Variants in MGAT4C observed in about 807,000 individuals in gnomAD.
MGAT4C encodes MGAT4 family member C.
Under a neutral mutation model 40.1 loss-of-function variants are expected in MGAT4C, and 19 were observed. That is an observed-to-expected ratio of 0.47 (90% confidence interval 0.33 to 0.70). MGAT4C has a LOEUF of 0.70. MGAT4C is among the 30% of genes least tolerant of loss of function. MGAT4C has a pLI of 0.02. For synonymous variants in MGAT4C, 181 were observed against 187.1 expected (o/e 0.97, Z 0.27); for missense variants, 491 against 563.2 (o/e 0.87, Z 1.30).
intron 2 of MGAT4C, among the ~76,000 whole-genome samples, chr12:86,519,245 T>C (rs1432061702): frequency 6.6e-6 from 1 of 152,240 alleles, no homozygotes; most frequent in African/African-American, 2.4e-5. Context: ...CTTTCTTTTC[T>C]AATGATTGAA....
At chr12:86,119,207 A>G (rs1878942190) in intron 1 of MGAT4C, among the ~76,000 whole-genome samples, 1 of 152,098 alleles carries the variant, frequency 6.6e-6, no homozygotes, top group Non-Finnish European at 1.5e-5. Context: ...TCTTATTTTA[A>G]TTTTTATATC....
At chr12:86,124,011 A>C (rs1879861497) in intron 1 of MGAT4C, among the ~76,000 whole-genome samples, 1 of 152,142 alleles carries the variant, frequency 6.6e-6, no homozygotes, top group Non-Finnish European at 1.5e-5. Context: ...CTCCACCGAT[A>C]GGACAAAACC....
At chr12:86,305,856 A>G (rs1953922509) in intron 4 of MGAT4C, among the ~76,000 whole-genome samples, 2 of 149,802 alleles carry the variant, frequency 1.3e-5, no homozygotes, top group South Asian at 4.2e-4. Flanking sequence ...TCAATCTGTG[A>G]TTTGTTGAAT....
At chr12:86,831,800 T>G (rs1346449368) in intron 1 of MGAT4C, among the ~76,000 whole-genome samples, 1 of 151,840 alleles carries the variant, frequency 6.6e-6, no homozygotes, top group Non-Finnish European at 1.5e-5. Flanking sequence ...TTTACTTGCA[T>G]GATAGATATT....
intron 1 of MGAT4C, among the ~76,000 whole-genome samples, chr12:86,832,958 T>C (rs1299998714): frequency 6.6e-6 from 1 of 151,924 alleles, no homozygotes; most frequent in Non-Finnish European, 1.5e-5. Context: ...GTTTTAACAC[T>C]GAAGCTTTTA....
At chr12:86,827,713 C>T (rs1952835694) in intron 1 of MGAT4C, among the ~76,000 whole-genome samples, 1 of 151,170 alleles carries the variant, frequency 6.6e-6, no homozygotes, top group African/African-American at 2.4e-5. Flanking sequence ...TTGTCTGATA[C>T]AGACAAAAAA....
At chr12:86,838,530 C>A (rs1452203071) in intron 1 of MGAT4C, 4 of 152,130 alleles carry the variant, frequency 2.6e-5, no homozygotes, top group Non-Finnish European at 4.4e-5. Flanking sequence ...TATAAACATG[C>A]AGCAATAAAG....
At chr12:86,112,116 T>C (rs893170992) in intron 1 of MGAT4C, among the ~76,000 whole-genome samples, 2 of 151,720 alleles carry the variant, frequency 1.3e-5, no homozygotes, top group African/African-American at 4.8e-5. Flanking sequence ...GTGCATATCA[T>C]CTATGCATTA....
intron 2 of MGAT4C, among the ~76,000 whole-genome samples, chr12:86,019,320 G>T (rs1889411699): frequency 6.6e-6 from 1 of 152,098 alleles, no homozygotes; most frequent in African/African-American, 2.4e-5. Flanking sequence ...ACTGAACTAA[G>T]ATAGTTTTAG....
intron 1 of MGAT4C, among the ~76,000 whole-genome samples, chr12:86,798,783 C>T (rs1952174765): frequency 6.6e-6 from 1 of 151,528 alleles, no homozygotes; most frequent in Non-Finnish European, 1.5e-5. Flanking sequence ...CAATTGGTTG[C>T]CATGAAAAAG....
intron 1 of MGAT4C, among the ~76,000 whole-genome samples, chr12:86,250,751 ATTT>A (rs1465528636): frequency 6.6e-6 from 1 of 152,088 alleles, no homozygotes; most frequent in Non-Finnish European, 1.5e-5. Flanking sequence ...TATTTAATTC[ATTT>A]TTTATCTTAC....
intron 1 of MGAT4C, among the ~76,000 whole-genome samples, chr12:86,834,467 G>T (rs1288736711): frequency 6.6e-6 from 1 of 151,786 alleles, no homozygotes; most frequent in Non-Finnish European, 1.5e-5. Context: ...CCTGGATGTG[G>T]TGATGTTATG....
chr12:86,814,827 C>G (rs1053767794), intron 1 of MGAT4C, among the ~76,000 whole-genome samples: 5 of 152,054 alleles, frequency 3.3e-5, no homozygotes, highest in African/African-American at 1.2e-4. Flanking sequence ...CTCTATGAAC[C>G]AGGAAATAAG....
At chr12:86,728,197 A>T (rs1950854499) in intron 1 of MGAT4C, among the ~76,000 whole-genome samples, 2 of 152,232 alleles carry the variant, frequency 1.3e-5, no homozygotes, top group Admixed American at 1.3e-4. Context: ...TGTATTACAT[A>T]AATTAATAAC....
intron 2 of MGAT4C, among the ~76,000 whole-genome samples, chr12:86,655,510 A>G (rs1201466345): frequency 6.6e-6 from 1 of 152,030 alleles, no homozygotes; most frequent in Non-Finnish European, 1.5e-5. Context: ...TTACACAAAT[A>G]CTATGCAACA....
chr12:86,566,012 C>A (rs999979728), intron 2 of MGAT4C, among the ~76,000 whole-genome samples: 2 of 152,102 alleles, frequency 1.3e-5, no homozygotes, highest in African/African-American at 2.4e-5. Context: ...AATATGGCAC[C>A]CTATCTTGGG....
intron 3 of MGAT4C, among the ~76,000 whole-genome samples, chr12:86,390,890 G>T (rs952958294): frequency 1.3e-5 from 2 of 152,078 alleles, no homozygotes; most frequent in Non-Finnish European, 2.9e-5. Context: ...TTACAAGGTG[G>T]ACCAAGAGTT....
chr12:86,042,221 T>C (rs1393731675), intron 2 of MGAT4C, among the ~76,000 whole-genome samples: 1 of 152,186 alleles, frequency 6.6e-6, no homozygotes, highest in African/African-American at 2.4e-5. Flanking sequence ...AGAGATGAGT[T>C]TCTTGAAGAC....
At chr12:86,764,773 T>A (rs1236072210) in intron 1 of MGAT4C, among the ~76,000 whole-genome samples, 1 of 152,124 alleles carries the variant, frequency 6.6e-6, no homozygotes. Flanking sequence ...AGTGGACCTC[T>A]AGCAAACTCC....
Sources: allele counts gnomAD v4.1 joint callset (sites outside exome capture counted in the v4.1 genomes callset), GRCh38; gene constraint gnomAD v4.1.1; transcripts MANE v1.5; gene names NCBI Gene and HGNC (gene_info 2026-07-23, HGNC 2026-07-21).